WDR49: variants seen among roughly 807,000 people sequenced by gnomAD.
The protein encoded by WDR49 is cilia- and flagella-associated protein 337.
A neutral mutation model predicts 119.5 loss-of-function variants in WDR49; 107 were observed. The observed-to-expected ratio is 0.90, with a 90% CI of 0.77 to 1.05. WDR49 has a LOEUF of 1.05. Among genes scored for constraint, WDR49 ranks in the 50% least tolerant of loss-of-function variants. The pLI, the probability that WDR49 is intolerant of heterozygous loss-of-function variation, is 0.00. For synonymous variants in WDR49, 425 were observed against 418.8 expected (o/e 1.01, Z -0.18); for missense variants, 1,240 against 1,220.5 (o/e 1.02, Z -0.24).
chr3:167,486,321 G>C (rs1750915452), intron 18 of WDR49, among the ~76,000 whole-genome samples: 1 of 152,048 alleles, frequency 6.6e-6, no homozygotes, highest in African/African-American at 2.4e-5. Flanking sequence ...ATAGCCCACA[G>C]TTCACTATAA....
At chr3:167,643,493 A>T (rs1446180760) in intron 2 of WDR49, among the ~76,000 whole-genome samples, 2 of 152,138 alleles carry the variant, frequency 1.3e-5, no homozygotes, top group East Asian at 3.9e-4. Flanking sequence ...GAGATGTGTC[A>T]ACTAAAGCAA....
Position 167,635,735 on chromosome 3 carries a change from T to C in WDR49, c.166-8443A>G, listed in dbSNP as rs537607879. On this transcript the variant is annotated intron_variant, in intron 2 of 18. Transcript: ENST00000682715. ...CCCTTAAGTCATTGGTGAGTATTTG[T>C]TTCCAGATCCTGAAAATAAATGTCA... 2.0e-5 allele frequency among the ~76,000 whole-genome samples: 3 copies of C among 151,672 alleles called. No individual in the cohort carries two copies. The Admixed American group carries it at 2.0e-4, about 10-fold the overall frequency.
Position 167,560,202 on chromosome 3 carries a change from AGTAGAC to A in WDR49, c.1530_1535del (p.Ser511_Thr512del), listed in dbSNP as rs1713184688. ...CAGTGTCTATCATCCAGAAGGAAAC[AGTAGAC>A]CCTGTATCAGAGCTGATTACCTAAG... On this transcript the variant is annotated inframe_deletion, in exon 9 of 19. Coordinates refer to ENST00000682715, the MANE Select transcript of WDR49 (RefSeq NM_001366157.1). 7 of 1,614,208 alleles carry A rather than the reference AGTAGAC, an allele frequency of 4.3e-6. No individual in the cohort carries two copies. The highest frequency in any genetic ancestry group is 5.9e-6 in the Non-Finnish European group (7 of 1,180,016).
chr3:167,573,920 G>C (rs1220637220), intron 8 of WDR49, among the ~76,000 whole-genome samples: 1 of 152,126 alleles, frequency 6.6e-6, no homozygotes, highest in Non-Finnish European at 1.5e-5. Context: ...TTCTTTGCAG[G>C]TGCTCACGTT....
chr3:167,532,700 C>A (rs773892680), intron 12 of WDR49, among the ~76,000 whole-genome samples, 179 bp downstream of exon 12: 4 of 152,084 alleles, frequency 2.6e-5, no homozygotes, highest in Non-Finnish European at 5.9e-5. Context: ...GTGTGCTAAG[C>A]CAAGTAAATC....
intron 17 of WDR49, among the ~76,000 whole-genome samples, chr3:167,504,827 T>G (rs1321672682): frequency 6.6e-6 from 1 of 152,066 alleles, no homozygotes; most frequent in Admixed American, 6.5e-5. Flanking sequence ...CCCTCACGGC[T>G]TGGTGCTCTC....
intron 11 of WDR49, among the ~76,000 whole-genome samples, 156 bp downstream of exon 11, chr3:167,536,686 CATATATATATATATATATACACACACAT>C (rs1291990096): frequency 7.5e-6 from 1 of 132,588 alleles, no homozygotes; most frequent in Non-Finnish European, 1.6e-5. Flanking sequence ...TCTCAAAATA[CATATATATATATATATATACACACACAT>C]ATATATATAT....
intron 7 of WDR49, among the ~76,000 whole-genome samples, chr3:167,584,490 T>C (rs1413506752): frequency 6.6e-6 from 1 of 151,970 alleles, no homozygotes; most frequent in East Asian, 1.9e-4. Flanking sequence ...ATAGTTCAAA[T>C]GGAAAAAGAA....
At chr3:167,502,570 A>G (rs1751614882) in intron 17 of WDR49, among the ~76,000 whole-genome samples, 1 of 152,186 alleles carries the variant, frequency 6.6e-6, no homozygotes, top group South Asian at 2.1e-4. Flanking sequence ...CAGGCTGACA[A>G]AGTCTCAGAT....
At chr3:167,595,676 CTGA>C (rs747247975) in intron 7 of WDR49, among the ~76,000 whole-genome samples, 42 of 152,254 alleles carry the variant, frequency 2.8e-4, no homozygotes, top group Non-Finnish European at 5.0e-4. Context: ...ATGTAGAAAG[CTGA>C]AACTGGATCC....
chr3:167,592,857 T>C (rs1715210918), intron 7 of WDR49, among the ~76,000 whole-genome samples: 1 of 152,208 alleles, frequency 6.6e-6, no homozygotes, highest in South Asian at 2.1e-4. Flanking sequence ...GTAAGGTCTT[T>C]ATTTCTCCAT....
Position 167,536,874 on chromosome 3 carries a change from A to T in WDR49, c.1950T>A (p.Val650=). ...CAAFLPPQTL[V]TGSYDGEIVL... ...TCAAGTGAAAGTTCAATTTACCCGTAACAAGAGTTTGTGGAGGTAAAAACG... is the reference window on the plus strand; with the variant it reads ...TCAAGTGAAAGTTCAATTTACCCGTTACAAGAGTTTGTGGAGGTAAAAACG... The change falls in exon 11 of 19, where the codon GTT becomes GTA. Residue 650 remains valine (V), a synonymous_variant. Transcript: ENST00000682715. 6.6e-7 allele frequency: 1 copy of T among 1,504,770 alleles called. No individual in the cohort carries two copies. 93.2% of individuals were successfully genotyped at this position (1,504,770 alleles called of 1,614,324 possible). A position where few individuals can be genotyped will look rare whatever the true frequency, so the allele number is the denominator to read the frequency against.
chr3:167,625,590 G>A (rs1326453866), intron 3 of WDR49, among the ~76,000 whole-genome samples: 5 of 151,954 alleles, frequency 3.3e-5, no homozygotes, highest in Non-Finnish European at 7.4e-5. Flanking sequence ...AAAGGAAATT[G>A]TGAAATTAGA....
chr3:167,655,715 T>C (rs1411698468), upstream of WDR49, among the ~76,000 whole-genome samples: 1 of 152,096 alleles, frequency 6.6e-6, no homozygotes, highest in East Asian at 1.9e-4. Context: ...CTGGCCAACA[T>C]GGAGGAACCC....
chr3:167,526,057 G>C (rs950154153), intron 15 of WDR49, among the ~76,000 whole-genome samples: 3 of 151,722 alleles, frequency 2.0e-5, no homozygotes, highest in African/African-American at 7.3e-5. Context: ...CAAGCAGAAG[G>C]AACTAGAAAA....
chr3:167,546,459 G>A (rs1169213079), intron 10 of WDR49, among the ~76,000 whole-genome samples: 1 of 151,766 alleles, frequency 6.6e-6, no homozygotes, highest in Non-Finnish European at 1.5e-5. Flanking sequence ...TAAAATTAAA[G>A]TTCAGAATGA....
Position 167,531,280 on chromosome 3 carries a change from C to G in WDR49, c.2054-1G>C, listed in dbSNP as rs1289893516. On this transcript the variant is annotated splice_acceptor_variant, in intron 12 of 18. Coordinates refer to ENST00000682715, the MANE Select transcript of WDR49 (RefSeq NM_001366157.1). LOFTEE classifies it high-confidence loss of function. ...CTGAGAAGTTTTTGAGGTTTTGTAT[C>G]TGTGAGGGAGACAAAGCCAAGTATA... The G allele has an allele frequency of 6.2e-7, 1 of 1,610,652 alleles. No individual in the cohort carries two copies. Among genetic ancestry groups the G allele is most frequent in the Non-Finnish European group, 8.5e-7 (1 of 1,179,308 alleles).
At chr3:167,505,668 C>T (rs1277987815) in intron 16 of WDR49, among the ~76,000 whole-genome samples, 1 of 152,128 alleles carries the variant, frequency 6.6e-6, no homozygotes, top group African/African-American at 2.4e-5. Flanking sequence ...GCCCTGTCCC[C>T]ATAGCAACAA....
chr3:167,544,034 A>G lies in WDR49; in HGVS notation c.1824-7034T>C, dbSNP rs575576941. 3.3e-5 allele frequency among the ~76,000 whole-genome samples: 5 copies of G among 151,868 alleles called. No homozygotes were observed. In the East Asian group the frequency reaches 9.7e-4, roughly 29 times the overall value. On this transcript the variant is annotated intron_variant, in intron 10 of 18. Coordinates refer to ENST00000682715, the MANE Select transcript of WDR49 (RefSeq NM_001366157.1). ...CAACAACAACCAAGCTGAGAACCAA[A>G]TCAAGAACTCAACCCCTTTTAAGAC...
Sources: allele counts gnomAD v4.1 joint callset (sites outside exome capture counted in the v4.1 genomes callset), GRCh38; gene constraint gnomAD v4.1.1; transcripts MANE v1.5; gene names NCBI Gene and HGNC (gene_info 2026-07-23, HGNC 2026-07-21).